Variants in TJP3 observed in about 807,000 individuals in gnomAD.
TJP3 encodes tight junction protein ZO-3.
Under a neutral mutation model 104.2 loss-of-function variants are expected in TJP3, and 85 were observed. The ratio of observed to expected loss-of-function variants is 0.82; its 90% CI spans 0.68 to 0.98. The LOEUF (loss-of-function observed/expected upper bound fraction) is 0.98, where lower values mean the gene tolerates loss of function less well. TJP3 is among the 50% of genes least tolerant of loss of function. The pLI is 0.00. For missense variants in TJP3, 1,367 were observed against 1,322.8 expected (o/e 1.03, Z -0.52); for synonymous variants, 550 against 550.6 (o/e 1.00, Z 0.02).
chr19:3,713,514 G>C (rs2036450990), intron 1 of TJP3, among the ~76,000 whole-genome samples: 1 of 152,190 alleles, frequency 6.6e-6, no homozygotes, highest in Non-Finnish European at 1.5e-5. Flanking sequence ...ATCCTGGATG[G>C]GGCCCTGGGG....
chr19:3,741,721 T>C (rs2036824153), intron 14 of TJP3, among the ~76,000 whole-genome samples: 1 of 149,086 alleles, frequency 6.7e-6, no homozygotes, highest in African/African-American at 2.5e-5. Flanking sequence ...GTAATCTCAA[T>C]GGTTTGGGAG....
intron 14 of TJP3, among the ~76,000 whole-genome samples, chr19:3,743,151 C>T (rs1481451321): frequency 6.6e-6 from 1 of 152,020 alleles, no homozygotes; most frequent in Non-Finnish European, 1.5e-5. Flanking sequence ...GTAATCCCAG[C>T]TACTCAGGAG....
chr19:3,736,130 C>T, intron 10 of TJP3, 35 bp from the exon 11 acceptor site: 1 of 1,564,828 alleles, frequency 6.4e-7, no homozygotes, highest in Non-Finnish European at 8.7e-7. Context: ...TGTCCGCCCA[C>T]TCTGCTCTGA....
In TJP3 at chr19:3,717,943, C is replaced by T. The variant is rs1041613387; in HGVS notation, c.-10+9382C>T. Among the ~76,000 whole-genome samples, 28 of 148,704 alleles carry T rather than the reference C, an allele frequency of 1.9e-4. No homozygotes were observed. The East Asian group carries it at 2.2e-3, about 12-fold the overall frequency. Reference sequence around the variant, plus strand: ...TAAAAAAAAAAAAAAAGGCCGGGCACGATGGCTCACGCCTATAATCCCAGC... The same window carrying T: ...TAAAAAAAAAAAAAAAGGCCGGGCATGATGGCTCACGCCTATAATCCCAGC... On this transcript the variant is annotated intron_variant, in intron 1 of 20. Transcript: ENST00000541714.
rs1460942944 is a variant in TJP3, at chr19:3,747,951, G to C, written c.2480G>C (p.Gly827Ala). 2 of 1,613,090 alleles carry C rather than the reference G, an allele frequency of 1.2e-6. No homozygotes were observed. The highest frequency in any genetic ancestry group is 1.7e-6 in the Non-Finnish European group (2 of 1,179,868). Residue 827 changes from glycine to alanine, a missense_variant, in exon 19 of 21, where the codon GGG (glycine) becomes GCG (alanine). Transcript: ENST00000541714. The part of the protein sequence containing the change: ...TDGEGYTDGE[G>A]GPYTDVDDEP... ...GGCGAGGGCTACACAGACGGCGAGGGGGGGCCCTACACGGATGTGGATGAT... is the reference window on the plus strand; with the variant it reads ...GGCGAGGGCTACACAGACGGCGAGGCGGGGCCCTACACGGATGTGGATGAT...
At position 3,750,126 on chromosome 19, in the gene TJP3, C is replaced by T; in HGVS notation, c.2611-12C>T. 1 of 1,614,130 alleles carries T rather than the reference C, an allele frequency of 6.2e-7. No homozygotes were observed. The highest frequency in any genetic ancestry group is 1.1e-5 in the South Asian group (1 of 91,080). ...GGGGAGTTTTGAAGCTCCTCTCTCCCTCTCCTCCAAGGTGGACAGCCGCCA... is the reference window on the plus strand; with the variant it reads ...GGGGAGTTTTGAAGCTCCTCTCTCCTTCTCCTCCAAGGTGGACAGCCGCCA... On this transcript the variant is annotated splice_polypyrimidine_tract_variant and intron_variant, in intron 19 of 20. Transcript: ENST00000541714.
At chr19:3,733,966 G>T (rs902938189) in intron 7 of TJP3, 54 bp downstream of exon 7, 9 of 1,584,080 alleles carry the variant, frequency 5.7e-6, no homozygotes, top group Non-Finnish European at 7.7e-6. Context: ...GGCAGGGAAG[G>T]TGGGAAGCCC....
At chr19:3,723,610 G>A (rs1483898268) in intron 1 of TJP3, among the ~76,000 whole-genome samples, 1 of 151,544 alleles carries the variant, frequency 6.6e-6, no homozygotes, top group African/African-American at 2.4e-5. Flanking sequence ...TGGCCAACAT[G>A]GTGAACCCCC....
chr19:3,729,913 T>G (rs1201149176), intron 3 of TJP3, 115 bp from the exon 4 acceptor site: 15 of 779,880 alleles, frequency 1.9e-5, no homozygotes, highest in Non-Finnish European at 2.9e-5. Context: ...ACCAATGAAT[T>G]AGAACCAGGC....
intron 1 of TJP3, chr19:3,721,649 G>A (rs922176345): frequency 6.1e-6 from 2 of 326,724 alleles, no homozygotes; most frequent in Non-Finnish European, 5.5e-6. Flanking sequence ...ATGGGAGGTG[G>A]GGAGAGAAAC....
intron 1 of TJP3, among the ~76,000 whole-genome samples, chr19:3,724,791 G>C (rs115103157): frequency 2.6e-5 from 4 of 151,712 alleles, no homozygotes; most frequent in Non-Finnish European, 5.9e-5. Flanking sequence ...CTCTTGCCTC[G>C]GTCTCCCAAA....
intron 1 of TJP3, among the ~76,000 whole-genome samples, chr19:3,712,891 A>G (rs1473575740): frequency 6.6e-6 from 1 of 151,616 alleles, no homozygotes; most frequent in Non-Finnish European, 1.5e-5. Flanking sequence ...TGGAGGCTGC[A>G]GTGAGCTATG....
At chr19:3,733,534 C>A (rs1027794202) in intron 6 of TJP3, among the ~76,000 whole-genome samples, 7 of 152,162 alleles carry the variant, frequency 4.6e-5, no homozygotes, top group African/African-American at 1.7e-4. Context: ...GTCTCCCACC[C>A]CTCTTAGAAC....
chr19:3,722,230 A>G (rs1402572201), intron 1 of TJP3, among the ~76,000 whole-genome samples: 1 of 152,220 alleles, frequency 6.6e-6, no homozygotes, highest in African/African-American at 2.4e-5. Flanking sequence ...ACGTGGGGCC[A>G]GTGAGTGAAC....
At chr19:3,738,158 G>A (rs911152088) in intron 11 of TJP3, among the ~76,000 whole-genome samples, 2 of 152,198 alleles carry the variant, frequency 1.3e-5, no homozygotes, top group African/African-American at 4.8e-5. Flanking sequence ...TCCATATATC[G>A]TTGTCCCTGT....
chr19:3,743,755 T>C (rs2036851426), intron 14 of TJP3, 184 bp from the exon 15 acceptor site: 1 of 569,444 alleles, frequency 1.8e-6, no homozygotes, highest in Admixed American at 3.2e-5. Context: ...CCATTGGCCA[T>C]TATTTGGTCA....
chr19:3,718,178 C>T (rs1420965688), intron 1 of TJP3, among the ~76,000 whole-genome samples: 8 of 98,340 alleles, frequency 8.1e-5, no homozygotes, highest in African/African-American at 3.3e-4. Context: ...GGCAACAGGG[C>T]GAGACTCCAA....
intron 3 of TJP3, among the ~76,000 whole-genome samples, chr19:3,729,062 G>C (rs1453829621): frequency 6.6e-6 from 1 of 151,988 alleles, no homozygotes; most frequent in African/African-American, 2.4e-5. Context: ...CAAAAAGAAA[G>C]TAAGTGAGGT....
At chr19:3,734,498 G>A in intron 8 of TJP3, 63 bp downstream of exon 8, 2 of 1,439,244 alleles carry the variant, frequency 1.4e-6, no homozygotes, top group South Asian at 1.3e-5. Context: ...AGGGAGAGGG[G>A]AACGCGGGCG....
Sources: allele counts gnomAD v4.1 joint callset (sites outside exome capture counted in the v4.1 genomes callset), GRCh38; gene constraint gnomAD v4.1.1; transcripts MANE v1.5; gene names NCBI Gene and HGNC (gene_info 2026-07-23, HGNC 2026-07-21).